Variants in ZBTB20 observed in about 807,000 individuals in gnomAD.
ZBTB20 encodes the protein zinc finger and BTB domain containing 20, also known as zinc finger and BTB domain-containing protein 20.
Under a neutral mutation model 56.9 loss-of-function variants are expected in ZBTB20, and 9 were observed. The observed-to-expected ratio is 0.16, with a 90% CI of 0.10 to 0.28. ZBTB20 has a LOEUF of 0.28. Among genes scored for constraint, ZBTB20 ranks in the 10% least tolerant of loss-of-function variants. The probability of loss-of-function intolerance (pLI) is 1.00; values close to 1 mark genes in which losing one functional copy is unlikely to be tolerated. For missense variants in ZBTB20, 655 were observed against 1,003.0 expected (o/e 0.65, Z 4.69); for synonymous variants, 417 against 420.7 (o/e 0.99, Z 0.11).
At chr3:115,041,241 A>G (rs1013235576) in intron 2 of ZBTB20, among the ~76,000 whole-genome samples, 1 of 152,166 alleles carries the variant, frequency 6.6e-6, no homozygotes. Flanking sequence ...TATATTCACC[A>G]TCTGTCCTCT....
chr3:114,851,097 G>A (rs1440139725), intron 4 of ZBTB20, among the ~76,000 whole-genome samples: 1 of 152,162 alleles, frequency 6.6e-6, no homozygotes, highest in Non-Finnish European at 1.5e-5. Context: ...GAGGGATGCC[G>A]AGTCAGCCTG....
rs1436454353 is a variant in ZBTB20, at chr3:114,336,692, T to A, written c.*2313A>T. 2.6e-5 allele frequency: 4 copies of A among 152,212 alleles called. No individual in the cohort carries two copies. Among genetic ancestry groups the A allele is most frequent in the African/African-American group, 4.8e-5 (2 of 41,454 alleles). The allele number at this position is 152,212 out of a possible 1,614,324, so 9.4% of individuals were successfully genotyped here. On this transcript the variant is annotated 3_prime_UTR_variant, in exon 12 of 12. Coordinates refer to ENST00000675478, the MANE Select transcript of ZBTB20 (RefSeq NM_001348800.3). ...AACCAATTTAGTCATTACAGAGTTG[T>A]TTGTGTTGGAAGATTTTCCCTCGTT...
At chr3:114,970,043 T>C (rs1394106449) in intron 3 of ZBTB20, among the ~76,000 whole-genome samples, 5 of 152,210 alleles carry the variant, frequency 3.3e-5, no homozygotes, top group African/African-American at 1.2e-4. Flanking sequence ...CTGGTAAGTG[T>C]TTTTGTCATT....
rs139072815 is a variant in ZBTB20 at position 114,970,829 on chromosome 3, C to T, written c.-456+3537G>A. ...AGCAGATCGAGACCATCCTGGCTAA[C>T]GCGGTGAAACCTCGTGTCTACTAAA... On this transcript the variant is annotated intron_variant, in intron 3 of 11. Transcript: ENST00000675478. Among the ~76,000 whole-genome samples, 104 of 152,206 alleles carry T rather than the reference C, an allele frequency of 6.8e-4. 1 individual carries two copies. Among genetic ancestry groups the T allele is most frequent in the African/African-American group, 2.3e-3 (96 of 41,540 alleles).
chr3:114,775,616 T>C (rs975099145), intron 5 of ZBTB20, among the ~76,000 whole-genome samples: 1 of 152,074 alleles, frequency 6.6e-6, no homozygotes, highest in Non-Finnish European at 1.5e-5. Context: ...GAGGACCCTC[T>C]GGGCTGCACA....
intron 2 of ZBTB20, among the ~76,000 whole-genome samples, chr3:114,976,184 A>C (rs529693232): frequency 6.6e-6 from 1 of 152,370 alleles, no homozygotes; most frequent in South Asian, 2.1e-4. Flanking sequence ...TCATATAATT[A>C]GTACTATGAA....
intron 7 of ZBTB20, among the ~76,000 whole-genome samples, chr3:114,446,771 T>C (rs538885189): frequency 6.6e-6 from 1 of 152,274 alleles, no homozygotes; most frequent in Non-Finnish European, 1.5e-5. Context: ...TCATCCTCTC[T>C]ATTTTCCTGG....
At chr3:115,082,705 T>C (rs1389516452) in intron 1 of ZBTB20, among the ~76,000 whole-genome samples, 1 of 152,104 alleles carries the variant, frequency 6.6e-6, no homozygotes, top group Non-Finnish European at 1.5e-5. Flanking sequence ...CCAAGCATAC[T>C]ATTTTCTACA....
At position 114,602,495 on chromosome 3, in the gene ZBTB20, C is replaced by T. The variant is rs554003282; in HGVS notation, c.-295+91033G>A. Among the ~76,000 whole-genome samples the T allele has an allele frequency of 1.1e-4, 17 of 152,058 alleles. No homozygotes were observed. The East Asian group carries it at 1.9e-3, about 17-fold the overall frequency. On this transcript the variant is annotated intron_variant, in intron 6 of 11. Coordinates refer to ENST00000675478, the MANE Select transcript of ZBTB20 (RefSeq NM_001348800.3). ...TTCCCAGCACCTTCTGTTATGCTCCCTCTTTATTGTTCTCTAGTGGACTTA... is the reference window on the plus strand; with the variant it reads ...TTCCCAGCACCTTCTGTTATGCTCCTTCTTTATTGTTCTCTAGTGGACTTA...
At chr3:115,112,988 TGACCA>T in intron 1 of ZBTB20, among the ~76,000 whole-genome samples, 1 of 152,328 alleles carries the variant, frequency 6.6e-6, no homozygotes, top group South Asian at 2.1e-4. Context: ...ATAGCCATTC[TGACCA>T]GTGTAAGATG....
chr3:115,006,559 T>A (rs1445892669), intron 2 of ZBTB20, among the ~76,000 whole-genome samples: 1 of 151,652 alleles, frequency 6.6e-6, no homozygotes, highest in Non-Finnish European at 1.5e-5. Flanking sequence ...TATTTCTTGG[T>A]CAGAACATTA....
chr3:114,883,664 T>C (rs2076482189), intron 4 of ZBTB20, among the ~76,000 whole-genome samples: 1 of 152,182 alleles, frequency 6.6e-6, no homozygotes, highest in Non-Finnish European at 1.5e-5. Context: ...AGTATAATAA[T>C]GGCCTTCTTC....
chr3:115,135,397 C>T (rs906951217), intron 1 of ZBTB20, among the ~76,000 whole-genome samples: 15 of 152,154 alleles, frequency 9.9e-5, no homozygotes, highest in Non-Finnish European at 2.2e-4. Context: ...TCAATAGTTT[C>T]CTCAGAAAGC....
intron 5 of ZBTB20, among the ~76,000 whole-genome samples, chr3:114,700,059 T>C (rs762929423): frequency 1.3e-5 from 2 of 151,906 alleles, no homozygotes; most frequent in Non-Finnish European, 2.9e-5. Context: ...TATCTTATAC[T>C]TTTTTTTATC....
intron 5 of ZBTB20, among the ~76,000 whole-genome samples, chr3:114,719,452 C>T (rs566702406): frequency 1.3e-5 from 2 of 152,116 alleles, no homozygotes; most frequent in South Asian, 2.1e-4. Flanking sequence ...TTCTGGGGTC[C>T]CTCTTCCACT....
intron 2 of ZBTB20, among the ~76,000 whole-genome samples, chr3:114,995,057 A>T (rs1448489645): frequency 1.3e-5 from 2 of 151,912 alleles, no homozygotes; most frequent in African/African-American, 4.8e-5. Context: ...ATGTTCATGG[A>T]TAAGTGTGTG....
intron 6 of ZBTB20, among the ~76,000 whole-genome samples, chr3:114,547,502 C>T (rs1035951932): frequency 7.9e-5 from 12 of 152,200 alleles, no homozygotes; most frequent in African/African-American, 2.6e-4. Context: ...TAAAAATGAT[C>T]GTAGTGCTGG....
Position 114,317,385 on chromosome 3 carries a change from C to T in ZBTB20, c.*21620G>A, listed in dbSNP as rs2078727242. 1 of 152,120 alleles carries T rather than the reference C, an allele frequency of 6.6e-6. No individual in the cohort carries two copies. The highest frequency in any genetic ancestry group is 2.4e-5 in the African/African-American group (1 of 41,416). 9.4% of individuals were successfully genotyped at this position (152,120 alleles called of 1,614,324 possible). On this transcript the variant is annotated 3_prime_UTR_variant, in exon 12 of 12. Coordinates refer to ENST00000675478, the MANE Select transcript of ZBTB20 (RefSeq NM_001348800.3). ...ACACACCCACACCACCCCCAACCCCCCATGCCCACCCCACACCAAAAGCAA... is the reference window on the plus strand; with the variant it reads ...ACACACCCACACCACCCCCAACCCCTCATGCCCACCCCACACCAAAAGCAA...
chr3:114,804,122 T>G (rs1324858733), intron 4 of ZBTB20, among the ~76,000 whole-genome samples: 1 of 151,924 alleles, frequency 6.6e-6, no homozygotes, highest in Non-Finnish European at 1.5e-5. Flanking sequence ...CATTCTGCAC[T>G]CCTTAAAGAT....
Sources: allele counts gnomAD v4.1 joint callset (sites outside exome capture counted in the v4.1 genomes callset), GRCh38; gene constraint gnomAD v4.1.1; transcripts MANE v1.5; gene names NCBI Gene and HGNC (gene_info 2026-07-23, HGNC 2026-07-21).